The following GOLGB1 variants were observed in gnomAD, a reference collection of about 807,000 sequenced individuals.
The protein encoded by GOLGB1 is golgin B1.
Under a neutral mutation model 336.9 loss-of-function variants are expected in GOLGB1, and 174 were observed. The ratio of observed to expected loss-of-function variants is 0.52; its 90% confidence interval spans 0.46 to 0.59. The LOEUF (loss-of-function observed/expected upper bound fraction) is 0.59. GOLGB1 is among the 20% of genes least tolerant of loss of function. The pLI is 0.00. For missense variants in GOLGB1, 3,331 were observed against 3,645.3 expected (o/e 0.91, Z 2.22); for synonymous variants, 1,208 against 1,289.2 (o/e 0.94, Z 1.35).
intron 10 of GOLGB1, 127 bp from the exon 11 acceptor site, chr3:121,702,722 A>C: frequency 2.6e-6 from 1 of 391,180 alleles, no homozygotes; most frequent in Non-Finnish European, 4.6e-6. Context: ...TAAAAATAAC[A>C]TCTACTTATC....
intron 14 of GOLGB1, 38 bp from the exon 15 acceptor site, chr3:121,681,903 A>G (rs1303628538): frequency 7.3e-7 from 1 of 1,366,768 alleles, no homozygotes; most frequent in South Asian, 1.2e-5. Flanking sequence ...TATTTGTCAC[A>G]TCTCATTCAT....
Position 121,691,847 on chromosome 3 carries a change from G to A in GOLGB1, c.7517C>T (p.Ala2506Val), listed in dbSNP as rs771550876. The change falls in exon 14 of 22, where the codon GCT becomes GTT. Residue 2506 changes from alanine to valine, a missense_variant. Coordinates refer to ENST00000614479, the MANE Select transcript of GOLGB1 (RefSeq NM_001366282.2). ...TTTAAGCTTATTATTCTCTGCAGCAGCCTCTTGGATGAGTTGGTCTTTTTC... is the reference window on the plus strand; with the variant it reads ...TTTAAGCTTATTATTCTCTGCAGCAACCTCTTGGATGAGTTGGTCTTTTTC... ...ILEKDQLIQE[A>V]AAENNKLKEE... 26 of 1,612,756 alleles carry A rather than the reference G, an allele frequency of 1.6e-5. No individual in the cohort carries two copies. The South Asian group carries it at 2.8e-4, about 17-fold the overall frequency.
chr3:121,718,494 C>T lies in GOLGB1; in HGVS notation c.779G>A (p.Arg260Lys). 2 of 1,608,656 alleles carry T rather than the reference C, an allele frequency of 1.2e-6. No homozygotes were observed. The highest frequency in any genetic ancestry group is 1.7e-6 in the Non-Finnish European group (2 of 1,175,120). The change falls in exon 8 of 22, where the codon AGG (arginine) becomes AAG (lysine). Residue 260 changes from arginine to lysine, a missense_variant. Physicochemically the swap from Arg to Lys is conservative, Grantham distance 26 (BLOSUM62 2). Transcript: ENST00000614479. ...DVETEMQQKL[R>K]VLQRKLEEHE... is the part of the protein sequence containing the mutation. ...TTCCTCAAGCTTCCTTTGCAGCACCCTCAATTTCTGAGAAGAAAACATTTT... is the reference window on the plus strand; with the variant it reads ...TTCCTCAAGCTTCCTTTGCAGCACCTTCAATTTCTGAGAAGAAAACATTTT...
Position 121,693,855 on chromosome 3 carries a change from G to C in GOLGB1, c.6668C>G (p.Ala2223Gly), listed in dbSNP as rs56162367. Residue 2223 changes from alanine (A) to glycine (G), a missense_variant, in exon 13 of 22, where the codon GCG (alanine) becomes GGG (glycine). By Grantham distance (60) the Ala-to-Gly change is moderately conservative. Coordinates refer to ENST00000614479, the MANE Select transcript of GOLGB1 (RefSeq NM_001366282.2). ...AKKWERKFSD[A>G]IQSKEEEIRL... is the part of the protein sequence containing the mutation. ...AATTTCTTCTTCTTTGCTTTGAATC[G>C]CATCACTAAACTTCCTCTCCCATTT... 8.3e-5 allele frequency: 134 copies of C among 1,612,952 alleles called. No individual in the cohort carries two copies. The highest frequency in any genetic ancestry group is 1.1e-4 in the Non-Finnish European group (129 of 1,179,186).
intron 10 of GOLGB1, among the ~76,000 whole-genome samples, chr3:121,711,874 G>C (rs539478762): frequency 3.9e-5 from 6 of 152,152 alleles, no homozygotes; most frequent in Non-Finnish European, 7.4e-5. Flanking sequence ...AAGTACAGTA[G>C]TGTTGTCAAT....
At chr3:121,732,410 T>C (rs1560320124) in intron 1 of GOLGB1, among the ~76,000 whole-genome samples, 1 of 152,162 alleles carries the variant, frequency 6.6e-6, no homozygotes, top group Non-Finnish European at 1.5e-5. Context: ...CAGACAAAGA[T>C]ATTACAAGAA....
chr3:121,702,595 C>A lies in GOLGB1; in HGVS notation c.1405G>T (p.Ala469Ser). The A allele has an allele frequency of 7.1e-7, 1 of 1,415,884 alleles. No homozygotes were observed. Among genetic ancestry groups the A allele is most frequent in the Non-Finnish European group, 9.5e-7 (1 of 1,053,180 alleles). 87.7% of individuals were successfully genotyped at this position (1,415,884 alleles called of 1,614,324 possible). ...FPDVYNEGTQAVTEENIASLQ... is the reference protein window; with the variant it reads ...FPDVYNEGTQSVTEENIASLQ... The stretch of plus-strand genomic sequence containing the variant: ...GAAGCAATATTCTCCTCAGTGACTG[C>A]CTAAATTGTAGAAAGACAACAAATT... The change falls in exon 11 of 22, where the codon GCA becomes TCA. Residue 469 changes from alanine (A) to serine (S), a missense_variant and splice_region_variant. By Grantham distance (99) the Ala-to-Ser change is moderately conservative. Coordinates refer to ENST00000614479, the MANE Select transcript of GOLGB1 (RefSeq NM_001366282.2).
chr3:121,686,145 C>T (rs1477282444), intron 14 of GOLGB1, among the ~76,000 whole-genome samples: 1 of 152,232 alleles, frequency 6.6e-6, no homozygotes, highest in Non-Finnish European at 1.5e-5. Context: ...TTCACAACTG[C>T]ACAGTGTTCT....
At chr3:121,681,621 C>T (rs1560188453) in intron 15 of GOLGB1, 66 bp downstream of exon 15, 2 of 1,165,482 alleles carry the variant, frequency 1.7e-6, no homozygotes, top group Non-Finnish European at 2.4e-6. Context: ...TTTCCCAAAT[C>T]TACAATTATT....
chr3:121,696,105 G>A lies in GOLGB1; in HGVS notation c.4418C>T (p.Pro1473Leu), dbSNP rs202183314. 5.0e-6 allele frequency: 8 copies of A among 1,613,798 alleles called. No homozygotes were observed. The Admixed American group carries it at 6.7e-5, about 13-fold the overall frequency. The change falls in exon 13 of 22, where the codon CCA becomes CTA. Residue 1473 changes from proline (P) to leucine (L), a missense_variant. By Grantham distance (98) the Pro-to-Leu change is moderately conservative. Coordinates refer to ENST00000614479, the MANE Select transcript of GOLGB1 (RefSeq NM_001366282.2). ...TCTACTTTCTTCTCCAATCTCTTCT[G>A]GTTTTTGCTTCATTTCACAAAGTTC... is the stretch of plus-strand genomic sequence containing the variant. Reference protein sequence around the residue: ...QVELCEMKQKPEEIGEESRAK... With the variant: ...QVELCEMKQKLEEIGEESRAK...
In GOLGB1 at chr3:121,697,433, T is replaced by C. The variant is rs571473648; in HGVS notation, c.3090A>G (p.Lys1030=). ...ELANLKDESK[K]EIPLSETERG... ...TCTCAGTCTCACTGAGTGGGATTTC[T>C]TTCTTAGATTCATCTTTCAAGTTGG... Residue 1030 remains lysine, a synonymous_variant, in exon 13 of 22, where the codon AAA becomes AAG. Transcript: ENST00000614479. 39 of 1,611,552 alleles carry C rather than the reference T, an allele frequency of 2.4e-5. 1 individual carries two copies. The East Asian group carries it at 8.7e-4, about 36-fold the overall frequency.
chr3:121,692,277 G>A lies in GOLGB1; in HGVS notation c.7087C>T (p.Gln2363Ter), dbSNP rs1942507464. ...GAGGCCTGAAGATCAGTCTCCAGTT[G>A]TTCATAACTGAACTTAGAATTTTGA... ...DIQNSKFSYEQLETDLQASRE... is the reference protein window; with the variant it reads ...DIQNSKFSYE The change falls in exon 14 of 22, where the codon CAA becomes TAA. Residue 2363 changes from glutamine (Q) to a stop codon, truncating the protein, a stop_gained. Transcript: ENST00000614479. LOFTEE classifies it high-confidence loss of function. The A allele has an allele frequency of 1.2e-6, 2 of 1,610,906 alleles. No homozygotes were observed. The highest frequency in any genetic ancestry group is 8.5e-7 in the Non-Finnish European group (1 of 1,179,190).
intron 8 of GOLGB1, among the ~76,000 whole-genome samples, chr3:121,717,674 G>A (rs1183778723): frequency 6.6e-6 from 1 of 152,080 alleles, no homozygotes; most frequent in East Asian, 1.9e-4. Flanking sequence ...TCTAACAGAA[G>A]GTCAATTTAC....
chr3:121,743,365 A>G (rs1333091598), intron 1 of GOLGB1, among the ~76,000 whole-genome samples: 1 of 152,204 alleles, frequency 6.6e-6, no homozygotes, highest in Non-Finnish European at 1.5e-5. Context: ...TATCACAAGG[A>G]CAGAAATCAA....
chr3:121,676,971 T>C lies in GOLGB1; in HGVS notation c.9099A>G (p.Glu3033=), dbSNP rs1474923795. The C allele has an allele frequency of 6.2e-7, 1 of 1,613,592 alleles. No individual in the cohort carries two copies. The change falls in exon 17 of 22, where the codon GAA becomes GAG. Residue 3033 remains glutamate, a synonymous_variant. Coordinates refer to ENST00000614479, the MANE Select transcript of GOLGB1 (RefSeq NM_001366282.2). The part of the protein sequence containing the change: ...DGSQNLVYET[E]LLRTQLNDSL... The stretch of plus-strand genomic sequence containing the variant: ...TGTCATTGAGCTGGGTCCTGAGAAG[T>C]TCTGTCTCATAAACCAGATTTTGTG...
At chr3:121,712,723 C>T (rs1043529821) in intron 10 of GOLGB1, among the ~76,000 whole-genome samples, 1 of 152,126 alleles carries the variant, frequency 6.6e-6, no homozygotes, top group Admixed American at 6.5e-5. Flanking sequence ...CATAATTTGT[C>T]ATCAGGGAAA....
intron 17 of GOLGB1, among the ~76,000 whole-genome samples, chr3:121,674,851 C>T (rs1046119216): frequency 1.7e-5 from 2 of 118,918 alleles, no homozygotes; most frequent in African/African-American, 3.3e-5. Context: ...TTTTTTGAGA[C>T]GGAGTCTCGC....
intron 10 of GOLGB1, 147 bp from the exon 11 acceptor site, chr3:121,702,742 A>G (rs1237971770): frequency 5.2e-6 from 2 of 383,026 alleles, no homozygotes; most frequent in Non-Finnish European, 9.4e-6. Flanking sequence ...CTGCCTAGGT[A>G]ATCTTTGAAG....
In GOLGB1 at chr3:121,699,888, GA is replaced by G; in HGVS notation, c.1520-4del. 6.4e-7 allele frequency: 1 copy of G among 1,565,194 alleles called. No homozygotes were observed. Among genetic ancestry groups the G allele is most frequent in the Non-Finnish European group, 8.8e-7 (1 of 1,140,068 alleles). On this transcript the variant is annotated splice_polypyrimidine_tract_variant and splice_region_variant and intron_variant, in intron 11 of 21. Coordinates refer to ENST00000614479, the MANE Select transcript of GOLGB1 (RefSeq NM_001366282.2). ...AGTAATCTGAGAAGACAGTTTTTCT[GA>G]AAGTCACAAAATAAATATCTTTAGA...
Sources: allele counts gnomAD v4.1 joint callset (sites outside exome capture counted in the v4.1 genomes callset), GRCh38; gene constraint gnomAD v4.1.1; transcripts MANE v1.5; gene names NCBI Gene and HGNC (gene_info 2026-07-23, HGNC 2026-07-21).